BCHE: variants seen among roughly 807,000 people sequenced by gnomAD.
The protein encoded by BCHE is cholinesterase.
A neutral mutation model predicts 51.3 loss-of-function variants in BCHE; 48 were observed. That is an observed-to-expected ratio of 0.94 (90% CI 0.74 to 1.19). The LOEUF (loss-of-function observed/expected upper bound fraction) is 1.19, where lower values mean the gene tolerates loss of function less well. Among genes scored for constraint, BCHE ranks in the 50% most tolerant of loss-of-function variants. The probability of loss-of-function intolerance (pLI) is 0.00; values close to 1 mark genes in which losing one functional copy is unlikely to be tolerated. For missense variants in BCHE, 847 were observed against 708.2 expected, an observed-to-expected ratio of 1.20 and a Z score of -2.23; for synonymous variants, 251 against 238.0, an observed-to-expected ratio of 1.05 and a Z score of -0.50.
At chr3:165,815,247 GA>G (rs36087072) in intron 2 of BCHE, among the ~76,000 whole-genome samples, 18,510 of 144,954 alleles carry the variant, frequency 0.13, 1,355 homozygotes, top group Middle Eastern at 0.18. Flanking sequence ...TTTGATTTTA[GA>G]AAAAAAAAAA....
chr3:165,784,408 A>C (rs1712859233), intron 3 of BCHE, among the ~76,000 whole-genome samples: 1 of 151,984 alleles, frequency 6.6e-6, no homozygotes, highest in Non-Finnish European at 1.5e-5. Flanking sequence ...TATATCTAAT[A>C]TGAAAACCTT....
Position 165,830,488 on chromosome 3 carries a change from T to A in BCHE, c.546A>T (p.Leu182Phe). The A allele has an allele frequency of 6.2e-7, 1 of 1,613,832 alleles. No homozygotes were observed. Among genetic ancestry groups the A allele is most frequent in the Non-Finnish European group, 8.5e-7 (1 of 1,179,874 alleles). The change falls in exon 2 of 4, where the codon TTA becomes TTT. Residue 182 changes from leucine to phenylalanine, a missense_variant. Coordinates refer to ENST00000264381, the MANE Select transcript of BCHE (RefSeq NM_000055.4). ...MNYRVGALGF[L>F]ALPGNPEAPG... ...GAGCCTCAGGATTTCCTGGCAAAGC[T>A]AAGAATCCTAGGGCACCCACCCTAT...
At position 165,837,299 on chromosome 3, in the gene BCHE, T is replaced by C. The variant is rs1399076172; in HGVS notation, c.-9+15A>G. Reference sequence around the variant, plus strand: ...TTGGATCTCTACACGAAGGTGTAAATTCAGAGCAACTTACCCGATTCTCTG... The same window carrying C: ...TTGGATCTCTACACGAAGGTGTAAACTCAGAGCAACTTACCCGATTCTCTG... On this transcript the variant is annotated intron_variant, in intron 1 of 3. Transcript: ENST00000264381. 2 of 1,280,720 alleles carry C rather than the reference T, an allele frequency of 1.6e-6. No individual in the cohort carries two copies. Among genetic ancestry groups the C allele is most frequent in the African/African-American group, 3.0e-5 (2 of 65,630 alleles). 79.3% of individuals were successfully genotyped at this position (1,280,720 alleles called of 1,614,324 possible).
chr3:165,821,302 TATA>T (rs1714503357), intron 2 of BCHE, among the ~76,000 whole-genome samples: 1 of 151,876 alleles, frequency 6.6e-6, no homozygotes, highest in East Asian at 1.9e-4. Context: ...ACAAATACTA[TATA>T]ATAAGTATAA....
intron 1 of BCHE, among the ~76,000 whole-genome samples, chr3:165,831,500 T>C (rs938613616): frequency 6.6e-6 from 1 of 152,176 alleles, no homozygotes; most frequent in African/African-American, 2.4e-5. Flanking sequence ...AATTGTTAAG[T>C]AGGTTAAGAA....
intron 3 of BCHE, among the ~76,000 whole-genome samples, chr3:165,783,687 C>T (rs1712802357): frequency 6.6e-6 from 1 of 152,002 alleles, no homozygotes; most frequent in African/African-American, 2.4e-5. Flanking sequence ...TGAAGGACTT[C>T]TGTTCTTTAA....
intron 2 of BCHE, among the ~76,000 whole-genome samples, chr3:165,811,222 G>C (rs982968347): frequency 9.2e-5 from 14 of 152,010 alleles, no homozygotes; most frequent in African/African-American, 2.7e-4. Context: ...GGATTAGACC[G>C]CTCCATTTTG....
chr3:165,830,135 A>T lies in BCHE; in HGVS notation c.899T>A (p.Ile300Asn), dbSNP rs1560022987. 2.5e-6 allele frequency: 4 copies of T among 1,613,930 alleles called. No individual in the cohort carries two copies. Among genetic ancestry groups the T allele is most frequent in the Non-Finnish European group, 2.5e-6 (3 of 1,179,914 alleles). ...GACAACAAATGCTTCATTCAGAAGA[A>T]TTTCTTGGGGATCTTTATTTCTAAG... Reference protein sequence around the residue: ...KCLRNKDPQEILLNEAFVVPY... With the variant: ...KCLRNKDPQENLLNEAFVVPY... Residue 300 changes from isoleucine to asparagine, a missense_variant, in exon 2 of 4, where the codon ATT (isoleucine) becomes AAT (asparagine). Coordinates refer to ENST00000264381, the MANE Select transcript of BCHE (RefSeq NM_000055.4).
intron 2 of BCHE, among the ~76,000 whole-genome samples, chr3:165,802,737 G>A (rs539202002): frequency 7.3e-5 from 11 of 150,274 alleles, no homozygotes; most frequent in African/African-American, 2.7e-4. Context: ...GTTTTGTTTT[G>A]TTTTTGTTTT....
intron 3 of BCHE, among the ~76,000 whole-genome samples, chr3:165,782,230 T>G (rs1712734729): frequency 6.6e-6 from 1 of 152,122 alleles, no homozygotes; most frequent in Non-Finnish European, 1.5e-5. Flanking sequence ...AACTCAGTAA[T>G]ATGAATGATT....
At chr3:165,790,613 A>T (rs560135084) in intron 2 of BCHE, among the ~76,000 whole-genome samples, 59 of 152,196 alleles carry the variant, frequency 3.9e-4, no homozygotes, top group Non-Finnish European at 6.9e-4. Context: ...TAAACTTACG[A>T]CTGGTGTGAG....
chr3:165,836,147 AC>A (rs372747818), intron 1 of BCHE, among the ~76,000 whole-genome samples: 15 of 151,882 alleles, frequency 9.9e-5, no homozygotes, highest in East Asian at 3.9e-4. Flanking sequence ...AACAACAACA[AC>A]AAAAAATTAG....
chr3:165,823,117 C>A (rs1311300325), intron 2 of BCHE, among the ~76,000 whole-genome samples: 1 of 152,000 alleles, frequency 6.6e-6, no homozygotes, highest in African/African-American at 2.4e-5. Flanking sequence ...TTCCAGTTAG[C>A]AAAGGCCTAA....
intron 1 of BCHE, among the ~76,000 whole-genome samples, chr3:165,834,498 G>C (rs1017850904): frequency 1.3e-5 from 2 of 151,758 alleles, no homozygotes; most frequent in Admixed American, 6.6e-5. Context: ...ATATGCAGAT[G>C]TTCATATACT....
chr3:165,808,794 TG>T (rs1387641026), intron 2 of BCHE, among the ~76,000 whole-genome samples: 1 of 152,086 alleles, frequency 6.6e-6, no homozygotes, highest in Admixed American at 6.6e-5. Flanking sequence ...GACTATACTG[TG>T]GTTACTTTAT....
intron 2 of BCHE, among the ~76,000 whole-genome samples, chr3:165,808,892 G>A (rs1188981650): frequency 1.3e-5 from 2 of 151,902 alleles, no homozygotes; most frequent in Non-Finnish European, 2.9e-5. Context: ...TACAAAACAC[G>A]GGCATATACT....
intron 2 of BCHE, among the ~76,000 whole-genome samples, chr3:165,825,737 G>A (rs1342987654): frequency 6.6e-6 from 1 of 151,884 alleles, no homozygotes; most frequent in Non-Finnish European, 1.5e-5. Flanking sequence ...GGTGTGTGAT[G>A]TTCCCCTTCC....
At chr3:165,811,165 C>T (rs764674366) in intron 2 of BCHE, among the ~76,000 whole-genome samples, 3 of 152,174 alleles carry the variant, frequency 2.0e-5, no homozygotes, top group Middle Eastern at 3.4e-3. Context: ...TCGAAACTAT[C>T]TTGCTCAGAA....
chr3:165,777,035 G>A (rs1712499097), intron 3 of BCHE, among the ~76,000 whole-genome samples: 1 of 151,766 alleles, frequency 6.6e-6, no homozygotes. Context: ...GAAAAAAATA[G>A]AGTTGGCAAA....
Sources: gnomAD v4.1 joint callset for allele counts (sites outside exome capture counted in the v4.1 genomes callset) on GRCh38, gnomAD v4.1.1 for gene constraint, MANE v1.5 for transcripts, NCBI Gene and HGNC (gene_info 2026-07-23, HGNC 2026-07-21) for gene names.